Variants in LRRC17 observed in about 807,000 individuals in gnomAD.
The protein encoded by LRRC17 is leucine rich repeat containing 17, also known as leucine-rich repeat-containing protein 17.
A neutral mutation model predicts 41.5 loss-of-function variants in LRRC17; 33 were observed. That is an observed-to-expected ratio of 0.80 (90% CI 0.60 to 1.06). The LOEUF (loss-of-function observed/expected upper bound fraction) is 1.06, where lower values mean the gene tolerates loss of function less well. Among genes scored for constraint, LRRC17 ranks in the 50% least tolerant of loss-of-function variants. The probability of loss-of-function intolerance (pLI) is 0.00; values close to 1 mark genes in which losing one functional copy is unlikely to be tolerated. For missense variants in LRRC17, 491 were observed against 519.3 expected (o/e 0.95, Z 0.53); for synonymous variants, 192 against 197.0 (o/e 0.97, Z 0.21).
intron 1 of LRRC17, among the ~76,000 whole-genome samples, chr7:102,930,515 T>C (rs1324311815): frequency 6.6e-6 from 1 of 152,238 alleles, no homozygotes; most frequent in Non-Finnish European, 1.5e-5. Flanking sequence ...TCTGCTCCAA[T>C]ATCCCACTGA....
At chr7:102,938,292 T>G (rs1820721809) in intron 2 of LRRC17, among the ~76,000 whole-genome samples, 2 of 152,228 alleles carry the variant, frequency 1.3e-5, no homozygotes, top group Non-Finnish European at 2.9e-5. Context: ...TAAATTACCC[T>G]TAGCTGCCTC....
Position 102,941,788 on chromosome 7 carries a change from G to A in LRRC17, c.928+2203G>A, listed in dbSNP as rs145710200. On this transcript the variant is annotated intron_variant, in intron 3 of 3. Transcript: ENST00000339431. ...TTATAATAGTTATTATATGTCCTAA[G>A]TTAAATGTATTAAAGTAATGAGTAA... Among the ~76,000 whole-genome samples, 367 of 151,900 alleles carry A rather than the reference G, an allele frequency of 2.4e-3. 4 individuals carry two copies. The highest frequency in any genetic ancestry group is 8.6e-3 in the African/African-American group (356 of 41,450).
intron 1 of LRRC17, among the ~76,000 whole-genome samples, chr7:102,932,561 T>TGATTTTTTTTTAGGTC (rs1350351086): frequency 1.3e-5 from 2 of 151,976 alleles, no homozygotes; most frequent in Admixed American, 6.6e-5. Context: ...ATAGTTGACA[T>TGATTTTTTTTTAGGTC]ACAGAATACA....
In LRRC17 at chr7:102,916,791, T is replaced by TGGG. The variant is rs61021557; in HGVS notation, c.-141+3653_-141+3655dup. On this transcript the variant is annotated intron_variant, in intron 1 of 3. Transcript: ENST00000339431. ...CTAATTATTTGATAACTGTTTCTTATGGGGGGGGGTGTGAGTCCTCTCTTT... is the reference window on the plus strand; with the variant it reads ...CTAATTATTTGATAACTGTTTCTTATGGGGGGGGGGGGTGTGAGTCCTCTCTTT... 1.1e-4 allele frequency among the ~76,000 whole-genome samples: 16 copies of TGGG among 147,970 alleles called. No individual in the cohort carries two copies. The East Asian group carries it at 1.7e-3, about 15-fold the overall frequency.
chr7:102,931,819 G>T, intron 1 of LRRC17: 1 of 1,475,088 alleles, frequency 6.8e-7, no homozygotes, highest in Non-Finnish European at 9.4e-7. Flanking sequence ...TCTGCATATT[G>T]GCACCCCAAT....
intron 1 of LRRC17, among the ~76,000 whole-genome samples, chr7:102,924,719 G>A (rs1275779458): frequency 1.4e-5 from 2 of 142,628 alleles, no homozygotes; most frequent in African/African-American, 5.2e-5. Context: ...TTGGCTCACT[G>A]CAAGCTCCGC....
At chr7:102,943,224 T>C (rs189361494) in intron 3 of LRRC17, among the ~76,000 whole-genome samples, 12 of 152,210 alleles carry the variant, frequency 7.9e-5, no homozygotes, top group Admixed American at 7.2e-4. Flanking sequence ...CCAGGAACTG[T>C]CAGATCACCA....
rs541459151 is a variant in LRRC17, at chr7:102,939,899, T to C, written c.928+314T>C. ...TAGTATACTAAAATGTAGTGGTTTTTTTTTTGTTTTTTGAGATGGAGTCTC... is the reference window on the plus strand; with the variant it reads ...TAGTATACTAAAATGTAGTGGTTTTCTTTTTGTTTTTTGAGATGGAGTCTC... On this transcript the variant is annotated intron_variant, in intron 3 of 3. Coordinates refer to ENST00000339431, the MANE Select transcript of LRRC17 (RefSeq NM_001031692.3). Among the ~76,000 whole-genome samples, 47 of 152,268 alleles carry C rather than the reference T, an allele frequency of 3.1e-4. 1 individual carries two copies. The highest frequency in any genetic ancestry group is 1.1e-3 in the African/African-American group (44 of 41,564).
chr7:102,932,553 A>AAAT (rs1819391394), intron 1 of LRRC17, among the ~76,000 whole-genome samples: 1 of 149,532 alleles, frequency 6.7e-6, no homozygotes. Flanking sequence ...TAAACAGAAT[A>AAAT]GTTGACATAC....
At position 102,944,554 on chromosome 7, in the gene LRRC17, C is replaced by T. The variant is rs774606975; in HGVS notation, c.1273C>T (p.His425Tyr). ...AGAAGATGATGAATGGGAAAAAAAACATAGAGATCACACCGCAAAGAAGCA... is the reference window on the plus strand; with the variant it reads ...AGAAGATGATGAATGGGAAAAAAAATATAGAGATCACACCGCAAAGAAGCA... ...DTEDDEWEKK[H>Y]RDHTAKKQSV... Residue 425 changes from histidine to tyrosine, a missense_variant, in exon 4 of 4, where the codon CAT becomes TAT. By Grantham distance (83) the His-to-Tyr change is moderately conservative. Transcript: ENST00000339431. 2 of 1,613,066 alleles carry T rather than the reference C, an allele frequency of 1.2e-6. No individual in the cohort carries two copies. Among genetic ancestry groups the T allele is most frequent in the South Asian group, 2.2e-5 (2 of 90,818 alleles).
chr7:102,914,136 C>A, intron 1 of LRRC17, among the ~76,000 whole-genome samples: 1 of 152,216 alleles, frequency 6.6e-6, no homozygotes, highest in East Asian at 1.9e-4. Context: ...TCTTGGCTCA[C>A]TGCAACCTCC....
intron 1 of LRRC17, among the ~76,000 whole-genome samples, chr7:102,922,622 C>A (rs555146442): frequency 6.6e-6 from 1 of 152,302 alleles, no homozygotes; most frequent in East Asian, 1.9e-4. Context: ...ACAATGTTTT[C>A]ATTGACTTTT....
intron 1 of LRRC17, among the ~76,000 whole-genome samples, chr7:102,921,516 C>G (rs544184863): frequency 6.6e-6 from 1 of 151,196 alleles, no homozygotes; most frequent in Admixed American, 6.6e-5. Flanking sequence ...CCTGTCTCTA[C>G]TAAAAATACA....
intron 1 of LRRC17, among the ~76,000 whole-genome samples, chr7:102,929,614 C>T (rs980092523): frequency 1.5e-5 from 2 of 136,666 alleles, no homozygotes; most frequent in East Asian, 4.2e-4. Flanking sequence ...TAGTGAGCCA[C>T]GATGGCACCA....
intron 3 of LRRC17, chr7:102,942,242 C>A: frequency 1.3e-6 from 2 of 1,486,034 alleles, no homozygotes; most frequent in African/African-American, 1.4e-5. Flanking sequence ...GCAGTTAAGG[C>A]AAAATGACCT....
rs189268372 is a variant in LRRC17, at chr7:102,944,987, G to A, written c.*380G>A. The A allele has an allele frequency of 5.9e-4, 95 of 159,864 alleles. No homozygotes were observed. The highest frequency in any genetic ancestry group is 2.2e-3 in the African/African-American group (93 of 41,836). The allele number at this position is 159,864 out of a possible 1,614,324, so 9.9% of individuals were successfully genotyped here. A position where few individuals can be genotyped will look rare whatever the true frequency, so the allele number is the denominator to read the frequency against. On this transcript the variant is annotated 3_prime_UTR_variant, in exon 4 of 4. Coordinates refer to ENST00000339431, the MANE Select transcript of LRRC17 (RefSeq NM_001031692.3). ...TAGCTGTTTGTGCATACTTAAAGAT[G>A]ATCAAAATGATTTTATACAAATGCT...
At chr7:102,941,513 C>A (rs955893889) in intron 3 of LRRC17, among the ~76,000 whole-genome samples, 1 of 152,134 alleles carries the variant, frequency 6.6e-6, no homozygotes, top group Non-Finnish European at 1.5e-5. Flanking sequence ...TCCCGCACAG[C>A]CAGCTCTGCA....
chr7:102,938,771 G>T (rs1230439053), intron 2 of LRRC17, among the ~76,000 whole-genome samples: 2 of 152,122 alleles, frequency 1.3e-5, no homozygotes, highest in African/African-American at 2.4e-5. Context: ...AAGAACTAAA[G>T]AATTTTTCTA....
intron 1 of LRRC17, 117 bp downstream of exon 1, chr7:102,913,262 C>G (rs760156147): frequency 6.2e-7 from 1 of 1,608,786 alleles, no homozygotes; most frequent in Non-Finnish European, 8.5e-7. Flanking sequence ...TTCCGTTGTT[C>G]TCTCAAATCT....
Sources: gnomAD v4.1 joint callset for allele counts (sites outside exome capture counted in the v4.1 genomes callset) on GRCh38, gnomAD v4.1.1 for gene constraint, MANE v1.5 for transcripts, NCBI Gene and HGNC (gene_info 2026-07-23, HGNC 2026-07-21) for gene names.